The following HSPA4 variants were observed in gnomAD, a reference collection of about 807,000 sequenced individuals.
HSPA4 encodes the protein heat shock protein family A (Hsp70) member 4.
HSPA4 carries 25 observed loss-of-function variants against 106.2 expected under a neutral mutation model. The ratio of observed to expected loss-of-function variants is 0.24; its 90% CI spans 0.17 to 0.33. The LOEUF is 0.33. HSPA4 is among the 10% of genes least tolerant of loss of function. HSPA4 has a pLI of 1.00. For synonymous variants in HSPA4, 332 were observed against 333.6 expected (o/e 1.00, Z 0.05); for missense variants, 841 against 996.0 (o/e 0.84, Z 2.10).
Position 133,104,581 on chromosome 5 carries a change from ATGGAGCAT to A in HSPA4, c.*147_*154del. 1.5e-6 allele frequency: 1 copy of A among 664,054 alleles called. No individual in the cohort carries two copies. The highest frequency in any genetic ancestry group is 2.6e-6 in the Non-Finnish European group (1 of 386,302). The allele number at this position is 664,054 out of a possible 1,614,324, so 41.1% of individuals were successfully genotyped here. ...TTCGGGGAGGGGAAATAGGTAATGT[ATGGAGCAT>A]TTTCACTTCTAAATAGTTAGATACA... On this transcript the variant is annotated 3_prime_UTR_variant, in exon 19 of 19. Coordinates refer to ENST00000304858, the MANE Select transcript of HSPA4 (RefSeq NM_002154.4).
At position 133,104,563 on chromosome 5, in the gene HSPA4, A is replaced by AG; in HGVS notation, c.*131dup. ...GTCAGTTTTTAGGGGATTTTCGGGG[A>AG]GGGGAAATAGGTAATGTATGGAGCA... On this transcript the variant is annotated 3_prime_UTR_variant, in exon 19 of 19. Coordinates refer to ENST00000304858, the MANE Select transcript of HSPA4 (RefSeq NM_002154.4). The AG allele has an allele frequency of 1.3e-6, 1 of 748,486 alleles. No homozygotes were observed. The highest frequency in any genetic ancestry group is 2.2e-6 in the Non-Finnish European group (1 of 455,424). 46.4% of individuals were successfully genotyped at this position (748,486 alleles called of 1,614,324 possible).
Position 133,076,837 on chromosome 5 carries a change from G to T in HSPA4, c.847G>T (p.Asp283Tyr). Residue 283 changes from aspartate to tyrosine, a missense_variant, in exon 7 of 19, where the codon GAT becomes TAT. Transcript: ENST00000304858. ...LKKLMSANASDLPLSIECFMN... is the reference protein window; with the variant it reads ...LKKLMSANASYLPLSIECFMN... Reference sequence around the variant, plus strand: ...GAAATTGATGAGTGCAAATGCTTCAGATCTCCCTTTGAGCATTGAATGTTT... The same window carrying T: ...GAAATTGATGAGTGCAAATGCTTCATATCTCCCTTTGAGCATTGAATGTTT... 1.2e-6 allele frequency: 2 copies of T among 1,611,352 alleles called. No homozygotes were observed. Among genetic ancestry groups the T allele is most frequent in the Non-Finnish European group, 1.7e-6 (2 of 1,177,522 alleles).
intron 7 of HSPA4, among the ~76,000 whole-genome samples, chr5:133,084,147 A>G (rs1415361383): frequency 2.6e-5 from 4 of 152,206 alleles, no homozygotes; most frequent in African/African-American, 9.6e-5. Context: ...TTCAGTCCCT[A>G]GATTAAGTTT....
intron 11 of HSPA4, among the ~76,000 whole-genome samples, chr5:133,090,250 C>G (rs2126711472): frequency 2.0e-5 from 3 of 151,618 alleles, no homozygotes; most frequent in Middle Eastern, 6.8e-3. Flanking sequence ...CATGGTGAAA[C>G]CCCGTCTCTA....
chr5:133,062,659 C>T (rs1271658800), intron 1 of HSPA4, among the ~76,000 whole-genome samples: 1 of 152,052 alleles, frequency 6.6e-6, no homozygotes, highest in Admixed American at 6.5e-5. Context: ...GAGCTTGACA[C>T]CTTTGCTTTT....
intron 6 of HSPA4, 129 bp downstream of exon 6, chr5:133,074,255 T>C (rs1312577110): frequency 1.2e-5 from 6 of 494,092 alleles, no homozygotes; most frequent in African/African-American, 2.0e-5. Flanking sequence ...ATTCAGAGGA[T>C]TTTTTTTCTT....
chr5:133,068,573 G>T (rs1045166961), intron 3 of HSPA4, among the ~76,000 whole-genome samples: 1 of 152,214 alleles, frequency 6.6e-6, no homozygotes, highest in African/African-American at 2.4e-5. Context: ...CTGTTGCAGT[G>T]TAGCTGATAA....
chr5:133,085,780 TTGGAGCACAGGGAAGG>T (rs1765572138), intron 7 of HSPA4, among the ~76,000 whole-genome samples: 1 of 151,142 alleles, frequency 6.6e-6, no homozygotes, highest in African/African-American at 2.5e-5. Flanking sequence ...GGATGAATAG[TTGGAGCACAGGGAAGG>T]ATGAATAGTT....
At chr5:133,054,064 T>G (rs1765127254) in intron 1 of HSPA4, among the ~76,000 whole-genome samples, 1 of 152,080 alleles carries the variant, frequency 6.6e-6, no homozygotes, top group South Asian at 2.1e-4. Flanking sequence ...CACATTTCCT[T>G]TCCACTTGTC....
At chr5:133,076,600 CTG>C in intron 6 of HSPA4, 52 bp from the exon 7 acceptor site, 1 of 1,507,440 alleles carries the variant, frequency 6.6e-7, no homozygotes, top group Non-Finnish European at 9.1e-7. Context: ...TATATATCAT[CTG>C]TTTCAAAATC....
At chr5:133,100,861 A>G (rs1178245771) in intron 16 of HSPA4, among the ~76,000 whole-genome samples, 1 of 152,162 alleles carries the variant, frequency 6.6e-6, no homozygotes, top group Non-Finnish European at 1.5e-5. Flanking sequence ...GCTGGAGTTC[A>G]GTGGTGTTAT....
intron 1 of HSPA4, among the ~76,000 whole-genome samples, chr5:133,058,557 A>C (rs947407456): frequency 2.0e-5 from 3 of 151,972 alleles, no homozygotes; most frequent in Admixed American, 6.6e-5. Flanking sequence ...GCATGCCTGT[A>C]ATCCCAGCTG....
rs565808609 is a variant in HSPA4, at chr5:133,089,474, A to C, written c.1245-88A>C. 1.1e-3 allele frequency: 1,290 copies of C among 1,155,204 alleles called. 3 individuals carry two copies. The highest frequency in any genetic ancestry group is 1.5e-3 in the Non-Finnish European group (1,225 of 807,820). The allele number at this position is 1,155,204 out of a possible 1,614,324, so 71.6% of individuals were successfully genotyped here. On this transcript the variant is annotated intron_variant, in intron 10 of 18. Coordinates refer to ENST00000304858, the MANE Select transcript of HSPA4 (RefSeq NM_002154.4). Reference sequence around the variant, plus strand: ...CAATTGAAAAGAGAGAGAAACTAACACTGTACAATAATTACAAACCTAGAA... The same window carrying C: ...CAATTGAAAAGAGAGAGAAACTAACCCTGTACAATAATTACAAACCTAGAA...
chr5:133,102,164 T>C (rs1007983631), intron 17 of HSPA4, among the ~76,000 whole-genome samples: 2 of 152,176 alleles, frequency 1.3e-5, no homozygotes, highest in Admixed American at 1.3e-4. Flanking sequence ...TGACCTCAAG[T>C]GATCCACCTG....
chr5:133,088,534 C>G lies in HSPA4; in HGVS notation c.1116C>G (p.Val372=). The G allele has an allele frequency of 6.2e-7, 1 of 1,613,834 alleles. No individual in the cohort carries two copies. The highest frequency in any genetic ancestry group is 8.5e-7 in the Non-Finnish European group (1 of 1,179,804). ...LSTTLNADEA[V]TRGCALQCAI... ...CAACATTAAATGCTGATGAAGCTGT[C>G]ACTCGAGGCTGTGCATTGCAGGTGA... The change falls in exon 9 of 19, where the codon GTC becomes GTG. Residue 372 remains valine (V), a synonymous_variant. Transcript: ENST00000304858.
intron 1 of HSPA4, 35 bp from the exon 2 acceptor site, chr5:133,064,945 A>G: frequency 6.4e-7 from 1 of 1,572,348 alleles, no homozygotes; most frequent in Non-Finnish European, 8.7e-7. Context: ...TATTGTAGTA[A>G]GATTTAATTC....
chr5:133,065,131 G>T, intron 2 of HSPA4, 94 bp downstream of exon 2: 15 of 1,015,012 alleles, frequency 1.5e-5, no homozygotes, highest in Non-Finnish European at 1.9e-5. Flanking sequence ...CCTAACACTG[G>T]TAGGCCTTGG....
intron 13 of HSPA4, among the ~76,000 whole-genome samples, chr5:133,093,604 C>T (rs1765676187): frequency 6.6e-6 from 1 of 152,050 alleles, no homozygotes; most frequent in African/African-American, 2.4e-5. Flanking sequence ...GATTCTTATG[C>T]CTCAGCCTCC....
intron 6 of HSPA4, among the ~76,000 whole-genome samples, chr5:133,076,405 A>G (rs1187348418): frequency 1.3e-5 from 2 of 152,200 alleles, no homozygotes; most frequent in Non-Finnish European, 2.9e-5. Context: ...TCTACCACTT[A>G]GTAGCTTTGT....
Sources: allele counts gnomAD v4.1 joint callset (sites outside exome capture counted in the v4.1 genomes callset), GRCh38; gene constraint gnomAD v4.1.1; transcripts MANE v1.5; gene names NCBI Gene and HGNC (gene_info 2026-07-23, HGNC 2026-07-21).